Variants in TMEM132D observed in about 807,000 individuals in gnomAD.
The protein encoded by TMEM132D is mature OL transmembrane protein.
A neutral mutation model predicts 62.3 loss-of-function variants in TMEM132D; 21 were observed. The observed-to-expected ratio is 0.34, with a 90% CI of 0.24 to 0.49. TMEM132D has a LOEUF of 0.49. TMEM132D is among the 20% of genes least tolerant of loss of function. TMEM132D has a pLI of 0.99. For missense variants in TMEM132D, 1,346 were observed against 1,402.8 expected, an observed-to-expected ratio of 0.96 and a Z score of 0.65; for synonymous variants, 621 against 575.6, an observed-to-expected ratio of 1.08 and a Z score of -1.13.
At chr12:129,137,098 C>T (rs945196866) in intron 5 of TMEM132D, among the ~76,000 whole-genome samples, 4 of 150,926 alleles carry the variant, frequency 2.7e-5, no homozygotes, top group Non-Finnish European at 4.4e-5. Context: ...CTATCATCAC[C>T]ACCATCACCA....
At chr12:129,615,532 T>C (rs1183452594) in intron 2 of TMEM132D, among the ~76,000 whole-genome samples, 6 of 149,674 alleles carry the variant, frequency 4.0e-5, no homozygotes, top group Admixed American at 1.3e-4. Context: ...GAGAGGATTG[T>C]TCGAGCCCAG....
intron 4 of TMEM132D, among the ~76,000 whole-genome samples, chr12:129,215,055 T>A (rs58963842): frequency 0.024 from 3,708 of 152,256 alleles, 165 homozygotes; most frequent in East Asian, 0.18. Flanking sequence ...ACATGAAATC[T>A]ACCTAGATGT....
rs1045014616 is a variant in TMEM132D at position 129,078,712 on chromosome 12, A to C, written c.1937T>G (p.Leu646Arg). 4 of 1,613,928 alleles carry C rather than the reference A, an allele frequency of 2.5e-6. No individual in the cohort carries two copies. In the Middle Eastern group the frequency reaches 6.6e-4, roughly 266 times the overall value. ...GMTTIQILSP[L>R]SDTILAEKTI... Reference sequence around the variant, plus strand: ...CTTTTCAGCGAGGATGGTGTCTGACAGAGGAGACAGGATCTGGAGGGCAGA... The same window carrying C: ...CTTTTCAGCGAGGATGGTGTCTGACCGAGGAGACAGGATCTGGAGGGCAGA... The change falls in exon 8 of 9, where the codon CTG (leucine) becomes CGG (arginine). Residue 646 changes from leucine to arginine, a missense_variant. Physicochemically the swap from Leu to Arg is moderately radical, Grantham distance 102. Transcript: ENST00000422113.
intron 4 of TMEM132D, among the ~76,000 whole-genome samples, chr12:129,274,804 G>A (rs1593319666): frequency 6.6e-6 from 1 of 152,062 alleles, no homozygotes; most frequent in Non-Finnish European, 1.5e-5. Flanking sequence ...GGAGAATGGC[G>A]TGAACCCGGG....
intron 3 of TMEM132D, among the ~76,000 whole-genome samples, chr12:129,352,890 A>T (rs1472399961): frequency 6.6e-6 from 1 of 152,162 alleles, no homozygotes; most frequent in East Asian, 1.9e-4. Flanking sequence ...ATACCACTTG[A>T]CCCAGCAATC....
intron 3 of TMEM132D, among the ~76,000 whole-genome samples, chr12:129,502,165 A>G (rs1163885740): frequency 6.6e-6 from 1 of 151,858 alleles, no homozygotes; most frequent in Non-Finnish European, 1.5e-5. Context: ...ACGCCCGGCT[A>G]ATTTTTTGTA....
chr12:129,676,605 C>G (rs932837226), intron 2 of TMEM132D, among the ~76,000 whole-genome samples: 25 of 152,292 alleles, frequency 1.6e-4, no homozygotes, highest in African/African-American at 5.8e-4. Context: ...ACAATCAGCT[C>G]TTGTGTGAAC....
At chr12:129,717,288 C>T (rs879400436) in intron 1 of TMEM132D, among the ~76,000 whole-genome samples, 1 of 152,146 alleles carries the variant, frequency 6.6e-6, no homozygotes, top group Non-Finnish European at 1.5e-5. Flanking sequence ...GATGTGACAT[C>T]GTCATTCTGT....
chr12:129,789,966 T>A (rs1232807970), intron 1 of TMEM132D, among the ~76,000 whole-genome samples: 2 of 152,180 alleles, frequency 1.3e-5, no homozygotes, highest in African/African-American at 4.8e-5. Flanking sequence ...GGTATTATGA[T>A]CATGAAGCAG....
At chr12:129,594,838 G>A (rs1878290922) in intron 2 of TMEM132D, among the ~76,000 whole-genome samples, 1 of 152,138 alleles carries the variant, frequency 6.6e-6, no homozygotes, top group African/African-American at 2.4e-5. Context: ...AACACTTGCT[G>A]AGAAGGCTTG....
At chr12:129,450,183 C>T (rs1873230355) in intron 3 of TMEM132D, among the ~76,000 whole-genome samples, 1 of 152,152 alleles carries the variant, frequency 6.6e-6, no homozygotes, top group Non-Finnish European at 1.5e-5. Flanking sequence ...TTGAGAGTTT[C>T]TTTTGGCTGT....
intron 4 of TMEM132D, among the ~76,000 whole-genome samples, chr12:129,283,719 G>A (rs1881220897): frequency 6.6e-6 from 1 of 152,158 alleles, no homozygotes; most frequent in Non-Finnish European, 1.5e-5. Context: ...ACACTCTCAG[G>A]CCGATACACA....
At chr12:129,425,501 T>C (rs1368643327) in intron 3 of TMEM132D, among the ~76,000 whole-genome samples, 1 of 152,138 alleles carries the variant, frequency 6.6e-6, no homozygotes, top group Non-Finnish European at 1.5e-5. Context: ...ACTGGCTTAA[T>C]GTTCTTTGCA....
At chr12:129,328,656 T>C (rs908402515) in intron 4 of TMEM132D, among the ~76,000 whole-genome samples, 1 of 152,242 alleles carries the variant, frequency 6.6e-6, no homozygotes, top group Non-Finnish European at 1.5e-5. Flanking sequence ...GATGACTTTT[T>C]CTATTTCAAT....
chr12:129,899,027 G>T (rs941337635), intron 1 of TMEM132D, among the ~76,000 whole-genome samples: 4 of 152,242 alleles, frequency 2.6e-5, no homozygotes, highest in African/African-American at 9.6e-5. Context: ...TACCTGTCCT[G>T]TGTCCTCACA....
chr12:129,305,084 A>G (rs1881817347), intron 4 of TMEM132D, among the ~76,000 whole-genome samples: 3 of 152,336 alleles, frequency 2.0e-5, no homozygotes, highest in Admixed American at 6.5e-5. Context: ...GGGGAATGCC[A>G]GTACATCCCA....
chr12:129,632,935 C>T (rs1298985253), intron 2 of TMEM132D, among the ~76,000 whole-genome samples: 1 of 152,188 alleles, frequency 6.6e-6, no homozygotes, highest in African/African-American at 2.4e-5. Context: ...TTGACTGTCC[C>T]CCTCTATGCC....
At chr12:129,485,693 C>T (rs974371005) in intron 3 of TMEM132D, among the ~76,000 whole-genome samples, 1 of 152,154 alleles carries the variant, frequency 6.6e-6, no homozygotes, top group African/African-American at 2.4e-5. Flanking sequence ...GGAACATGCC[C>T]CTTTGTGTGG....
At chr12:129,121,591 C>T (rs116979340) in intron 5 of TMEM132D, among the ~76,000 whole-genome samples, 101 of 152,204 alleles carry the variant, frequency 6.6e-4, no homozygotes, top group East Asian at 2.7e-3. Flanking sequence ...ATGGGGCCCC[C>T]GAGCCCAGGA....
Sources: gnomAD v4.1 joint callset for allele counts (sites outside exome capture counted in the v4.1 genomes callset) on GRCh38, gnomAD v4.1.1 for gene constraint, MANE v1.5 for transcripts, NCBI Gene and HGNC (gene_info 2026-07-23, HGNC 2026-07-21) for gene names.